Variants in ANKRD44 observed in about 807,000 individuals in gnomAD.
ANKRD44 encodes the protein serine/threonine-protein phosphatase 6 regulatory ankyrin repeat subunit B.
ANKRD44 carries 35 observed loss-of-function variants against 116.0 expected under a neutral mutation model. The observed-to-expected ratio is 0.30, with a 90% CI of 0.23 to 0.40. The LOEUF is 0.40. Ranked by LOEUF, ANKRD44 falls within the 10% of genes least tolerant of loss-of-function variation. ANKRD44 has a pLI of 1.00. For missense variants in ANKRD44, 1,014 were observed against 1,242.6 expected, an observed-to-expected ratio of 0.82 and a Z score of 2.77; for synonymous variants, 435 against 461.8, an observed-to-expected ratio of 0.94 and a Z score of 0.74.
At chr2:197,126,076 C>T (rs780511263) in intron 4 of ANKRD44, 39 bp from the exon 5 acceptor site, 131 of 1,604,338 alleles carry the variant, frequency 8.2e-5, no homozygotes, top group Middle Eastern at 6.6e-4. Context: ...CACTGACAGA[C>T]GTTCAATCAA....
At position 196,987,752 on chromosome 2, in the gene ANKRD44, A is replaced by C. The variant is rs2075854276; in HGVS notation, c.*1839T>G. The C allele has an allele frequency of 2.0e-6, 2 of 985,332 alleles. 1 individual carries two copies. The highest frequency in any genetic ancestry group is 1.2e-4 in the Admixed American group (2 of 16,270). The allele number at this position is 985,332 out of a possible 1,614,324, so 61.0% of individuals were successfully genotyped here. ...CACTGGCAAATAAGTAAGTGCAATGAAACATGATCCTTGTAGTTGTGGTTA... is the reference window on the plus strand; with the variant it reads ...CACTGGCAAATAAGTAAGTGCAATGCAACATGATCCTTGTAGTTGTGGTTA... On this transcript the variant is annotated 3_prime_UTR_variant, in exon 28 of 28. Coordinates refer to ENST00000282272, the MANE Select transcript of ANKRD44 (RefSeq NM_001195144.2).
chr2:197,247,385 C>A (rs1166306844), intron 1 of ANKRD44, among the ~76,000 whole-genome samples: 1 of 152,130 alleles, frequency 6.6e-6, no homozygotes, highest in African/African-American at 2.4e-5. Context: ...GCTTCCCAGT[C>A]CAGGAAACAG....
rs538965499 is a variant in ANKRD44 at position 197,081,650 on chromosome 2, G to A, written c.1533C>T (p.Ala511=). Reference sequence around the variant, plus strand: ...TAAGCTGAGAAGAAACTTACAGTGTGGCTTCCTTTTCCTTCAGCTCCCTGG... The same window carrying A: ...TAAGCTGAGAAGAAACTTACAGTGTAGCTTCCTTTTCCTTCAGCTCCCTGG... The part of the protein sequence containing the change: ...ERARELKEKE[A]TLCLEFLLQN... Residue 511 remains alanine (A), a synonymous_variant, in exon 15 of 28, where the codon GCC becomes GCT. Coordinates refer to ENST00000282272, the MANE Select transcript of ANKRD44 (RefSeq NM_001195144.2). The A allele has an allele frequency of 3.1e-6, 5 of 1,613,448 alleles. No individual in the cohort carries two copies. The Admixed American group carries it at 6.7e-5, about 22-fold the overall frequency.
intron 1 of ANKRD44, among the ~76,000 whole-genome samples, chr2:197,277,101 G>C (rs1051549526): frequency 6.6e-6 from 1 of 151,604 alleles, no homozygotes; most frequent in African/African-American, 2.4e-5. Flanking sequence ...CTAATTTTTT[G>C]TATTTTTAGT....
chr2:197,031,742 T>C (rs962539334), intron 16 of ANKRD44, among the ~76,000 whole-genome samples: 1 of 152,214 alleles, frequency 6.6e-6, no homozygotes, highest in Non-Finnish European at 1.5e-5. Context: ...AATACAATAC[T>C]ATAATTATAT....
At chr2:197,068,380 A>T (rs1376989072) in intron 16 of ANKRD44, among the ~76,000 whole-genome samples, 2 of 40,780 alleles carry the variant, frequency 4.9e-5, no homozygotes, top group Non-Finnish European at 1.3e-4. Flanking sequence ...TAAAAAAAAG[A>T]AAAAAATAAA....
chr2:197,204,216 T>C (rs764438545), intron 1 of ANKRD44, among the ~76,000 whole-genome samples: 3 of 152,150 alleles, frequency 2.0e-5, no homozygotes, highest in Non-Finnish European at 4.4e-5. Flanking sequence ...TATGAAACTA[T>C]ATACAGTTTG....
chr2:197,252,018 T>C (rs1352952617), intron 1 of ANKRD44, among the ~76,000 whole-genome samples: 1 of 152,220 alleles, frequency 6.6e-6, no homozygotes, highest in Non-Finnish European at 1.5e-5. Context: ...GAATTATTCT[T>C]TCAGTATGGG....
chr2:197,068,542 G>A (rs1424401008), intron 16 of ANKRD44, among the ~76,000 whole-genome samples: 1 of 151,746 alleles, frequency 6.6e-6, no homozygotes, highest in Non-Finnish European at 1.5e-5. Context: ...CAGAATGGGA[G>A]AAAAATTTTG....
At chr2:196,984,755 GT>G (rs1473579212), downstream of ANKRD44, among the ~76,000 whole-genome samples, 2 of 152,192 alleles carry the variant, frequency 1.3e-5, no homozygotes, top group African/African-American at 2.4e-5. Context: ...AGTTCAGTCA[GT>G]CAAGCAAGCA....
intron 21 of ANKRD44, among the ~76,000 whole-genome samples, chr2:197,002,905 G>A (rs539716606): frequency 5.3e-5 from 8 of 152,200 alleles, no homozygotes; most frequent in Admixed American, 2.0e-4. Flanking sequence ...ATGTAGATGG[G>A]ACAATTTGAA....
chr2:197,307,281 T>C (rs985953764), intron 1 of ANKRD44, among the ~76,000 whole-genome samples: 1 of 152,216 alleles, frequency 6.6e-6, no homozygotes, highest in Admixed American at 6.5e-5. Flanking sequence ...ATTATATTAA[T>C]GACATAGTTG....
intron 1 of ANKRD44, among the ~76,000 whole-genome samples, chr2:197,283,642 C>A (rs965542235): frequency 6.6e-6 from 1 of 151,958 alleles, no homozygotes; most frequent in Non-Finnish European, 1.5e-5. Flanking sequence ...GTTAAATATA[C>A]ACTTCAATAA....
At chr2:196,976,413 C>A (rs1378346301) in intron 21 of ANKRD44, among the ~76,000 whole-genome samples, 1 of 152,030 alleles carries the variant, frequency 6.6e-6, no homozygotes, top group East Asian at 1.9e-4. Context: ...TCACTCACAC[C>A]ACATCTATTC....
chr2:197,037,685 C>G (rs1407481078), intron 16 of ANKRD44, among the ~76,000 whole-genome samples: 1 of 152,232 alleles, frequency 6.6e-6, no homozygotes, highest in Non-Finnish European at 1.5e-5. Context: ...TGCCTGTAAT[C>G]TCAGCACTTT....
At chr2:197,220,884 CA>C (rs1359302057) in intron 1 of ANKRD44, among the ~76,000 whole-genome samples, 1 of 152,096 alleles carries the variant, frequency 6.6e-6, no homozygotes, top group Admixed American at 6.5e-5. Context: ...TATATAATGT[CA>C]AAGTCATTTT....
intron 1 of ANKRD44, among the ~76,000 whole-genome samples, chr2:197,244,307 T>C (rs1231806690): frequency 1.3e-5 from 2 of 152,174 alleles, no homozygotes; most frequent in African/African-American, 2.4e-5. Context: ...TGAGTTAAAT[T>C]TGTGCATCAC....
At chr2:197,122,557 C>A in intron 7 of ANKRD44, 93 bp downstream of exon 7, 1 of 1,461,848 alleles carries the variant, frequency 6.8e-7, no homozygotes, top group Non-Finnish European at 9.2e-7. Context: ...ATTCCCCTGC[C>A]CTTGAATTAA....
intron 3 of ANKRD44, among the ~76,000 whole-genome samples, chr2:197,137,007 G>A (rs1162424011): frequency 6.6e-6 from 1 of 152,186 alleles, no homozygotes. Context: ...CTCACACTCA[G>A]AAGAGTGCCC....
Sources: allele counts gnomAD v4.1 joint callset (sites outside exome capture counted in the v4.1 genomes callset), GRCh38; gene constraint gnomAD v4.1.1; transcripts MANE v1.5; gene names NCBI Gene and HGNC (gene_info 2026-07-23, HGNC 2026-07-21).